Variants in RAB10 observed in about 807,000 individuals in gnomAD.
RAB10 encodes the protein RAB10, member RAS oncogene family, also known as ras-related protein Rab-10.
A neutral mutation model predicts 25.7 loss-of-function variants in RAB10; 5 were observed. That is an observed-to-expected ratio of 0.19 (90% CI 0.10 to 0.41). The LOEUF is 0.41. Among genes scored for constraint, RAB10 ranks in the 10% least tolerant of loss-of-function variants. The probability of loss-of-function intolerance (pLI) is 1.00; values close to 1 mark genes in which losing one functional copy is unlikely to be tolerated. For synonymous variants in RAB10, 89 were observed against 86.4 expected (o/e 1.03, Z -0.16); for missense variants, 103 against 245.8 (o/e 0.42, Z 3.89).
intron 1 of RAB10, among the ~76,000 whole-genome samples, chr2:26,036,239 C>T (rs950664850): frequency 1.3e-5 from 2 of 152,256 alleles, no homozygotes; most frequent in South Asian, 2.1e-4. Context: ...ACAACAGACC[C>T]CTTGAGGAGC....
chr2:26,069,237 G>T (rs993393064), intron 1 of RAB10, among the ~76,000 whole-genome samples: 1 of 152,172 alleles, frequency 6.6e-6, no homozygotes, highest in African/African-American at 2.4e-5. Context: ...TAGTTGCACA[G>T]TAAACTGCAT....
intron 1 of RAB10, among the ~76,000 whole-genome samples, chr2:26,088,449 A>C (rs573046307): frequency 2.0e-4 from 30 of 152,190 alleles, no homozygotes; most frequent in Non-Finnish European, 3.8e-4. Context: ...TTCTGTGCTA[A>C]TTTAGCAAAT....
intron 2 of RAB10, among the ~76,000 whole-genome samples, chr2:26,105,489 T>C (rs1231617857): frequency 6.6e-6 from 1 of 151,990 alleles, no homozygotes; most frequent in Non-Finnish European, 1.5e-5. Flanking sequence ...ACCCCATCTC[T>C]ACTAAAAATA....
chr2:26,039,173 C>T (rs1317960081), intron 1 of RAB10, among the ~76,000 whole-genome samples: 1 of 151,776 alleles, frequency 6.6e-6, no homozygotes, highest in East Asian at 2.0e-4. Flanking sequence ...GCGTGTGCCA[C>T]CATGCCCAAC....
intron 1 of RAB10, among the ~76,000 whole-genome samples, chr2:26,079,803 C>G (rs1666828866): frequency 6.6e-6 from 1 of 152,042 alleles, no homozygotes. Flanking sequence ...GTAGCTGGGA[C>G]TACAGGCATG....
intron 1 of RAB10, among the ~76,000 whole-genome samples, chr2:26,095,653 G>T (rs557964641): frequency 6.6e-6 from 1 of 151,560 alleles, no homozygotes; most frequent in Non-Finnish European, 1.5e-5. Flanking sequence ...GCTCACGCCC[G>T]TAATCCTGAC....
At chr2:26,041,416 C>G (rs1356985780) in intron 1 of RAB10, among the ~76,000 whole-genome samples, 6 of 151,046 alleles carry the variant, frequency 4.0e-5, no homozygotes, top group African/African-American at 1.2e-4. Flanking sequence ...TGGTGTGTGC[C>G]TGTTGCCCCA....
chr2:26,111,381 G>T (rs749873119), intron 3 of RAB10, among the ~76,000 whole-genome samples: 5 of 152,112 alleles, frequency 3.3e-5, no homozygotes, highest in Non-Finnish European at 7.3e-5. Context: ...GAGGTGGGCG[G>T]ATCACCTGAG....
intron 1 of RAB10, among the ~76,000 whole-genome samples, chr2:26,053,125 G>A (rs1666171091): frequency 6.6e-6 from 1 of 152,192 alleles, no homozygotes; most frequent in Non-Finnish European, 1.5e-5. Flanking sequence ...GTCTCAACTG[G>A]AGGTTGAGGT....
At chr2:26,049,186 C>CTT (rs1314869793) in intron 1 of RAB10, among the ~76,000 whole-genome samples, 105 of 125,478 alleles carry the variant, frequency 8.4e-4, no homozygotes, top group African/African-American at 2.9e-3. Context: ...TGGAGGTCGA[C>CTT]TTTTTTTTTT....
rs531391148 is a variant in RAB10, at chr2:26,073,398, TA to T, written c.128-25260del. On this transcript the variant is annotated intron_variant, in intron 1 of 5. Coordinates refer to ENST00000264710, the MANE Select transcript of RAB10 (RefSeq NM_016131.5). Reference sequence around the variant, plus strand: ...GAACTGTTCTCGTTGTTACTACTGGTAAAACTATTGGGCTATTGCCATTGTA... The same window carrying T: ...GAACTGTTCTCGTTGTTACTACTGGTAAACTATTGGGCTATTGCCATTGTA... 4.3e-4 allele frequency among the ~76,000 whole-genome samples: 65 copies of T among 152,332 alleles called. 2 individuals are homozygous for T. The South Asian group carries it at 0.013, about 30-fold the overall frequency.
At chr2:26,128,968 A>G (rs1667958068) in intron 5 of RAB10, among the ~76,000 whole-genome samples, 1 of 152,216 alleles carries the variant, frequency 6.6e-6, no homozygotes, top group Admixed American at 6.5e-5. Context: ...GCAAATAAAT[A>G]CAGATAAAAT....
At chr2:26,073,837 G>T (rs1666678019) in intron 1 of RAB10, among the ~76,000 whole-genome samples, 1 of 152,202 alleles carries the variant, frequency 6.6e-6, no homozygotes, top group African/African-American at 2.4e-5. Flanking sequence ...AATGGATGTA[G>T]ATAAGATTTG....
intron 1 of RAB10, among the ~76,000 whole-genome samples, chr2:26,043,838 G>A (rs115661204): frequency 2.4e-3 from 366 of 152,264 alleles, no homozygotes; most frequent in African/African-American, 7.7e-3. Flanking sequence ...GTATAACAGT[G>A]TGAATTAATT....
At chr2:26,070,843 A>G (rs980780710) in intron 1 of RAB10, among the ~76,000 whole-genome samples, 1 of 152,182 alleles carries the variant, frequency 6.6e-6, no homozygotes. Context: ...GGTTTTCAAC[A>G]TGTGGATCCC....
intron 2 of RAB10, among the ~76,000 whole-genome samples, chr2:26,099,749 A>G (rs908154420): frequency 6.6e-6 from 1 of 151,702 alleles, no homozygotes; most frequent in East Asian, 1.9e-4. Flanking sequence ...TCACTGTATT[A>G]GCCAGGATGG....
At chr2:26,111,245 C>T (rs1476453473) in intron 3 of RAB10, among the ~76,000 whole-genome samples, 2 of 152,104 alleles carry the variant, frequency 1.3e-5, no homozygotes, top group Non-Finnish European at 2.9e-5. Flanking sequence ...GGGCTCATTA[C>T]CACTGTTTTG....
rs1668110416 is a variant in RAB10 at position 26,136,246 on chromosome 2, CAGGTTGTTTTTTTAA to C, written c.*1227_*1241del. The C allele has an allele frequency of 6.6e-6, 1 of 152,492 alleles. No homozygotes were observed. Among genetic ancestry groups the C allele is most frequent in the African/African-American group, 2.4e-5 (1 of 41,386 alleles). 9.4% of individuals were successfully genotyped at this position (152,492 alleles called of 1,614,324 possible). On this transcript the variant is annotated 3_prime_UTR_variant, in exon 6 of 6. Transcript: ENST00000264710. ...CCTCTAGCAGCTTGGTAGCCTAGTA[CAGGTTGTTTTTTTAA>C]AAAAGGAAAAGCAGGAAGGAGGAGT...
chr2:26,077,254 T>C (rs1666758676), intron 1 of RAB10, among the ~76,000 whole-genome samples: 1 of 152,244 alleles, frequency 6.6e-6, no homozygotes, highest in Non-Finnish European at 1.5e-5. Context: ...CAAATATAGA[T>C]ATTAAAGGAA....
Sources: allele counts gnomAD v4.1 joint callset (sites outside exome capture counted in the v4.1 genomes callset), GRCh38; gene constraint gnomAD v4.1.1; transcripts MANE v1.5; gene names NCBI Gene and HGNC (gene_info 2026-07-23, HGNC 2026-07-21).